MYO5B: variants seen among roughly 807,000 people sequenced by gnomAD.
MYO5B encodes unconventional myosin-Vb.
Under a neutral mutation model 229.3 loss-of-function variants are expected in MYO5B, and 143 were observed. The ratio of observed to expected loss-of-function variants is 0.62; its 90% confidence interval spans 0.54 to 0.72. MYO5B has a LOEUF of 0.72. MYO5B is among the 30% of genes least tolerant of loss of function. The probability of loss-of-function intolerance (pLI) is 0.00; values close to 1 mark genes in which losing one functional copy is unlikely to be tolerated. For missense variants in MYO5B, 2,321 were observed against 2,331.0 expected (o/e 1.00, Z 0.09); for synonymous variants, 918 against 885.2 (o/e 1.04, Z -0.66).
intron 1 of MYO5B, among the ~76,000 whole-genome samples, chr18:50,150,712 T>C (rs2032585279): frequency 6.6e-6 from 1 of 152,088 alleles, no homozygotes; most frequent in African/African-American, 2.4e-5. Context: ...AGGGATAGCA[T>C]TGGGAGATAT....
chr18:49,872,081 C>T, intron 27 of MYO5B, 86 bp downstream of exon 27: 4 of 1,256,460 alleles, frequency 3.2e-6, no homozygotes, highest in Middle Eastern at 4.9e-4. Context: ...GACTGGGGCT[C>T]AGGGCCTGAT....
intron 1 of MYO5B, among the ~76,000 whole-genome samples, chr18:50,060,259 G>T (rs2030656029): frequency 6.6e-6 from 1 of 152,212 alleles, no homozygotes; most frequent in East Asian, 1.9e-4. Context: ...CCTGGCATCG[G>T]TTCACATTAC....
At chr18:50,054,403 C>A (rs2030486972) in intron 2 of MYO5B, among the ~76,000 whole-genome samples, 1 of 152,216 alleles carries the variant, frequency 6.6e-6, no homozygotes, top group Non-Finnish European at 1.5e-5. Context: ...ATGCCTACTG[C>A]CATTTATCAT....
Position 49,990,430 on chromosome 18 carries a change from T to C in MYO5B, c.838+9A>G, listed in dbSNP as rs747477460. On this transcript the variant is annotated intron_variant, in intron 7 of 39. Transcript: ENST00000285039. ...ACCCCAGAGGATAGGCATGCACCTG[T>C]TGACTTACTTAGTGCAAGCTCTTTA... is the stretch of plus-strand genomic sequence containing the variant. 2.5e-6 allele frequency: 4 copies of C among 1,610,574 alleles called. No homozygotes were observed. In the African/African-American group the frequency reaches 5.3e-5, roughly 22 times the overall value.
chr18:50,101,061 T>C (rs1313154021), intron 1 of MYO5B, among the ~76,000 whole-genome samples: 1 of 152,246 alleles, frequency 6.6e-6, no homozygotes, highest in Non-Finnish European at 1.5e-5. Flanking sequence ...ACCTACAGCA[T>C]GGGGACAATA....
intron 1 of MYO5B, among the ~76,000 whole-genome samples, chr18:50,096,056 T>C (rs2031543937): frequency 6.6e-6 from 1 of 152,174 alleles, no homozygotes; most frequent in Non-Finnish European, 1.5e-5. Flanking sequence ...CGAAGAAAAC[T>C]GTTCTGCCAT....
At chr18:50,194,648 AG>A (rs913258377) in intron 1 of MYO5B, 118 bp downstream of exon 1, 12 of 665,274 alleles carry the variant, frequency 1.8e-5, no homozygotes, top group East Asian at 9.9e-5. Context: ...GACACCGCGG[AG>A]GGGGGTCTCC....
chr18:50,157,761 T>C (rs1373234727), intron 1 of MYO5B, among the ~76,000 whole-genome samples: 1 of 152,220 alleles, frequency 6.6e-6, no homozygotes, highest in Non-Finnish European at 1.5e-5. Flanking sequence ...CATTTACCTG[T>C]GTGGTGATTT....
intron 17 of MYO5B, among the ~76,000 whole-genome samples, chr18:49,917,524 G>A (rs972429272): frequency 2.0e-5 from 3 of 151,282 alleles, no homozygotes; most frequent in South Asian, 2.1e-4. Flanking sequence ...ACACCTTCTC[G>A]ACTTCCATCA....
intron 4 of MYO5B, among the ~76,000 whole-genome samples, chr18:50,015,863 A>C (rs1373202849): frequency 1.3e-5 from 2 of 152,210 alleles, no homozygotes; most frequent in South Asian, 2.1e-4. Context: ...ATTGTGCTCC[A>C]TGGGATATTT....
intron 1 of MYO5B, among the ~76,000 whole-genome samples, chr18:50,133,524 G>A (rs2032286677): frequency 6.6e-6 from 1 of 152,196 alleles, no homozygotes; most frequent in South Asian, 2.1e-4. Flanking sequence ...GCCCAGTGAA[G>A]GAAGTTGACT....
chr18:50,182,097 C>T (rs2033081258), intron 1 of MYO5B, among the ~76,000 whole-genome samples: 1 of 152,232 alleles, frequency 6.6e-6, no homozygotes, highest in African/African-American at 2.4e-5. Flanking sequence ...GGCTGTAACA[C>T]ATCCCAGTGG....
intron 7 of MYO5B, among the ~76,000 whole-genome samples, chr18:49,988,963 A>G (rs57559574): frequency 0.013 from 1,924 of 152,316 alleles, 41 homozygotes; most frequent in African/African-American, 0.044. Flanking sequence ...AACAATGGAC[A>G]TCAGCCAGAG....
chr18:49,901,859 T>C lies in MYO5B; in HGVS notation c.2811+735A>G, dbSNP rs573806133. Among the ~76,000 whole-genome samples the C allele has an allele frequency of 2.2e-4, 33 of 152,288 alleles. No individual in the cohort carries two copies. The Middle Eastern group carries it at 0.02, about 94-fold the overall frequency. ...CCATGTGCCCTTCCAGTGTCTTCAA[T>C]TGTACAAAAAGGGGGATGGTAATAC... On this transcript the variant is annotated intron_variant, in intron 21 of 39. Transcript: ENST00000285039.
intron 1 of MYO5B, among the ~76,000 whole-genome samples, chr18:50,060,863 G>A: frequency 6.6e-6 from 1 of 152,192 alleles, no homozygotes; most frequent in Non-Finnish European, 1.5e-5. Context: ...ACCTCTAGGG[G>A]TGGGAACCAG....
intron 21 of MYO5B, among the ~76,000 whole-genome samples, chr18:49,900,282 C>T (rs1256023092): frequency 6.6e-6 from 1 of 152,250 alleles, no homozygotes; most frequent in East Asian, 1.9e-4. Context: ...AGACAGCAGA[C>T]CTTTTCCTTT....
At chr18:49,977,510 C>T (rs894361331) in intron 9 of MYO5B, among the ~76,000 whole-genome samples, 5 of 152,130 alleles carry the variant, frequency 3.3e-5, no homozygotes, top group South Asian at 4.2e-4. Context: ...CAACTATTAA[C>T]GATGCATTTC....
chr18:50,082,134 T>C (rs2031234544), intron 1 of MYO5B, among the ~76,000 whole-genome samples: 2 of 152,228 alleles, frequency 1.3e-5, no homozygotes, highest in Admixed American at 6.5e-5. Flanking sequence ...TCAAGTGTGA[T>C]GGGGCTTAAG....
At position 50,063,225 on chromosome 18, in the gene MYO5B, T is replaced by C. The variant is rs183496330; in HGVS notation, c.28-7847A>G. ...CTCCTCCTCCCCCAGCGGCGAGCCA[T>C]GCTTCTGAGTTTCCGTTTACTCATT... On this transcript the variant is annotated intron_variant, in intron 1 of 39. Transcript: ENST00000285039. Among the ~76,000 whole-genome samples the C allele has an allele frequency of 6.9e-3, 1,048 of 152,296 alleles. 4 individuals are homozygous for C. Among genetic ancestry groups the C allele is most frequent in the Non-Finnish European group, 0.011 (766 of 68,010 alleles).
Sources: allele counts gnomAD v4.1 joint callset (sites outside exome capture counted in the v4.1 genomes callset), GRCh38; gene constraint gnomAD v4.1.1; transcripts MANE v1.5; gene names NCBI Gene and HGNC (gene_info 2026-07-23, HGNC 2026-07-21).